GPR158: variants seen among roughly 807,000 people sequenced by gnomAD.
The protein encoded by GPR158 is metabotropic glycine receptor.
GPR158 carries 30 observed loss-of-function variants against 78.2 expected under a neutral mutation model. The observed-to-expected ratio is 0.38, with a 90% CI of 0.29 to 0.52. The LOEUF (loss-of-function observed/expected upper bound fraction) is 0.52, where lower values mean the gene tolerates loss of function less well. Among genes scored for constraint, GPR158 ranks in the 20% least tolerant of loss-of-function variants. The pLI, the probability that GPR158 is intolerant of heterozygous loss-of-function variation, is 0.83. For synonymous variants in GPR158, 581 were observed against 591.1 expected, an observed-to-expected ratio of 0.98 and a Z score of 0.25; for missense variants, 1,463 against 1,523.5, an observed-to-expected ratio of 0.96 and a Z score of 0.66.
intron 5 of GPR158, among the ~76,000 whole-genome samples, chr10:25,499,067 C>G (rs1835920354): frequency 6.6e-6 from 1 of 152,098 alleles, no homozygotes; most frequent in Non-Finnish European, 1.5e-5. Flanking sequence ...AGAAACATCT[C>G]AGTTCTGTGA....
At chr10:25,481,338 T>A (rs1835661684) in intron 5 of GPR158, among the ~76,000 whole-genome samples, 1 of 152,060 alleles carries the variant, frequency 6.6e-6, no homozygotes, top group South Asian at 2.1e-4. Flanking sequence ...TTTATGCAGA[T>A]TATGGGGGTC....
At chr10:25,470,234 A>G (rs1215569246) in intron 5 of GPR158, among the ~76,000 whole-genome samples, 2 of 152,070 alleles carry the variant, frequency 1.3e-5, no homozygotes, top group Non-Finnish European at 2.9e-5. Flanking sequence ...CTGTGATCTG[A>G]CCATGTACTC....
At chr10:25,402,898 G>T (rs1286136849) in intron 3 of GPR158, among the ~76,000 whole-genome samples, 1 of 151,726 alleles carries the variant, frequency 6.6e-6, no homozygotes, top group East Asian at 1.9e-4. Context: ...GCTATCAAAA[G>T]AGACATGGCT....
chr10:25,279,919 A>G (rs1049265863), intron 2 of GPR158, among the ~76,000 whole-genome samples: 1 of 151,940 alleles, frequency 6.6e-6, no homozygotes, highest in Non-Finnish European at 1.5e-5. Flanking sequence ...CTAGCGATTA[A>G]TTTTAGACTT....
At chr10:25,524,451 T>A (rs964422003) in intron 5 of GPR158, among the ~76,000 whole-genome samples, 2 of 152,236 alleles carry the variant, frequency 1.3e-5, no homozygotes, top group Non-Finnish European at 1.5e-5. Context: ...GACATGAAGA[T>A]CAATGGAATA....
chr10:25,293,442 A>T (rs1459176599), intron 2 of GPR158, among the ~76,000 whole-genome samples: 2 of 152,186 alleles, frequency 1.3e-5, no homozygotes, highest in African/African-American at 4.8e-5. Flanking sequence ...ATTAAATGAG[A>T]TATTATATAC....
intron 2 of GPR158, among the ~76,000 whole-genome samples, chr10:25,240,412 G>A (rs575245609): frequency 6.6e-6 from 1 of 152,308 alleles, no homozygotes; most frequent in South Asian, 2.1e-4. Flanking sequence ...GGGAGGCTGA[G>A]GCAGGAGAAT....
chr10:25,483,627 T>C (rs1422268135), intron 5 of GPR158, among the ~76,000 whole-genome samples: 1 of 152,168 alleles, frequency 6.6e-6, no homozygotes, highest in African/African-American at 2.4e-5. Context: ...AAGACAAAAA[T>C]TTGAATCCGC....
At chr10:25,487,088 G>T (rs889480328) in intron 5 of GPR158, among the ~76,000 whole-genome samples, 1 of 152,006 alleles carries the variant, frequency 6.6e-6, no homozygotes, top group African/African-American at 2.4e-5. Flanking sequence ...AGATTCACAG[G>T]TTCCTGGGAT....
At chr10:25,276,674 A>G (rs906297478) in intron 2 of GPR158, among the ~76,000 whole-genome samples, 2 of 152,202 alleles carry the variant, frequency 1.3e-5, no homozygotes, top group African/African-American at 4.8e-5. Flanking sequence ...GGAGTGTCAC[A>G]TTCTGTGCCT....
At chr10:25,237,850 T>C (rs1853544916) in intron 2 of GPR158, among the ~76,000 whole-genome samples, 1 of 152,208 alleles carries the variant, frequency 6.6e-6, no homozygotes, top group Non-Finnish European at 1.5e-5. Context: ...TAAATGTAAT[T>C]GAAAAACTTA....
At chr10:25,275,758 A>G (rs1854175046) in intron 2 of GPR158, among the ~76,000 whole-genome samples, 1 of 152,194 alleles carries the variant, frequency 6.6e-6, no homozygotes, top group Non-Finnish European at 1.5e-5. Flanking sequence ...AAAGAAATTT[A>G]GGTCATTTTG....
At chr10:25,494,976 A>G (rs1015344926) in intron 5 of GPR158, among the ~76,000 whole-genome samples, 1 of 152,082 alleles carries the variant, frequency 6.6e-6, no homozygotes, top group Non-Finnish European at 1.5e-5. Context: ...CCCATATTCC[A>G]TTTATATGAA....
intron 2 of GPR158, among the ~76,000 whole-genome samples, chr10:25,259,365 T>A (rs1853937096): frequency 6.6e-6 from 1 of 152,056 alleles, no homozygotes; most frequent in Non-Finnish European, 1.5e-5. Flanking sequence ...TCAGACAACT[T>A]TTTTGGTCTT....
At chr10:25,201,985 T>C (rs185954411) in intron 1 of GPR158, among the ~76,000 whole-genome samples, 24 of 152,254 alleles carry the variant, frequency 1.6e-4, no homozygotes, top group Admixed American at 1.4e-3. Flanking sequence ...GCTGGCCTTA[T>C]AGAATGACTT....
intron 5 of GPR158, among the ~76,000 whole-genome samples, chr10:25,535,276 A>G (rs1195354184): frequency 1.3e-5 from 2 of 152,262 alleles, no homozygotes; most frequent in African/African-American, 4.8e-5. Flanking sequence ...ACAGATTAAC[A>G]TTGAAAGAAT....
At chr10:25,555,364 G>T (rs138314220) in intron 6 of GPR158, among the ~76,000 whole-genome samples, 21 of 152,252 alleles carry the variant, frequency 1.4e-4, no homozygotes, top group African/African-American at 4.6e-4. Context: ...GGTCAGTGTG[G>T]ATCATAAAGG....
At chr10:25,421,466 T>C (rs944389086) in intron 4 of GPR158, among the ~76,000 whole-genome samples, 8 of 152,296 alleles carry the variant, frequency 5.3e-5, no homozygotes, top group African/African-American at 1.9e-4. Flanking sequence ...CTTGTACCTT[T>C]AGTCCACCTA....
chr10:25,551,133 T>A, intron 6 of GPR158, 48 bp downstream of exon 6: 1 of 1,058,672 alleles, frequency 9.4e-7, no homozygotes, highest in Non-Finnish European at 1.5e-6. Context: ...ATCAAACTAA[T>A]CAGCTTGGCA....
Sources: gnomAD v4.1 joint callset for allele counts (sites outside exome capture counted in the v4.1 genomes callset) on GRCh38, gnomAD v4.1.1 for gene constraint, MANE v1.5 for transcripts, NCBI Gene and HGNC (gene_info 2026-07-23, HGNC 2026-07-21) for gene names.